LNX2: variants seen among roughly 807,000 people sequenced by gnomAD.
LNX2 encodes ligand of numb-protein X 2.
In LNX2, 35 loss-of-function variants were observed where a neutral mutation model predicts 66.2. That is an observed-to-expected ratio of 0.53 (90% CI 0.40 to 0.70). LNX2 has a LOEUF of 0.70. Among genes scored for constraint, LNX2 ranks in the 30% least tolerant of loss-of-function variants. The pLI is 0.00. For missense variants in LNX2, 791 were observed against 850.8 expected (o/e 0.93, Z 0.87); for synonymous variants, 337 against 315.6 (o/e 1.07, Z -0.72).
intron 9 of LNX2, among the ~76,000 whole-genome samples, chr13:27,550,035 A>G (rs1450603388): frequency 6.6e-6 from 1 of 152,214 alleles, no homozygotes. Flanking sequence ...ATAAGTGACA[A>G]GACAGTAAAG....
intron 1 of LNX2, among the ~76,000 whole-genome samples, chr13:27,589,441 C>T (rs1343916715): frequency 2.0e-5 from 3 of 152,106 alleles, no homozygotes; most frequent in Non-Finnish European, 4.4e-5. Flanking sequence ...TAATAAAACA[C>T]TTATTGGTAT....
intron 1 of LNX2, among the ~76,000 whole-genome samples, chr13:27,590,262 T>TCTCA (rs1192834241): frequency 2.0e-5 from 3 of 151,952 alleles, no homozygotes; most frequent in Non-Finnish European, 4.4e-5. Context: ...ATTTTTTGAG[T>TCTCA]CTCACCCTGT....
intron 1 of LNX2, among the ~76,000 whole-genome samples, chr13:27,602,820 T>G (rs1366046367): frequency 6.6e-6 from 1 of 152,214 alleles, no homozygotes; most frequent in East Asian, 1.9e-4. Context: ...TGCTCCATAT[T>G]CTTTGTCAAC....
intron 4 of LNX2, among the ~76,000 whole-genome samples, chr13:27,564,201 G>A (rs1014955361): frequency 6.6e-6 from 1 of 152,180 alleles, no homozygotes; most frequent in African/African-American, 2.4e-5. Context: ...TAACATCTTT[G>A]TGAAGCAGGC....
chr13:27,604,009 C>T (rs919530887), intron 1 of LNX2, among the ~76,000 whole-genome samples: 2 of 150,108 alleles, frequency 1.3e-5, no homozygotes, highest in East Asian at 2.0e-4. Flanking sequence ...AATCCCAGCA[C>T]GTTGGGAGGC....
intron 2 of LNX2, among the ~76,000 whole-genome samples, chr13:27,575,427 T>C (rs559827317): frequency 9.2e-5 from 14 of 152,304 alleles, no homozygotes; most frequent in Middle Eastern, 3.4e-3. Context: ...CTCCATAAAG[T>C]ATAAAGTAGA....
At chr13:27,593,531 T>C (rs1397240569) in intron 1 of LNX2, among the ~76,000 whole-genome samples, 1 of 150,894 alleles carries the variant, frequency 6.6e-6, no homozygotes, top group African/African-American at 2.4e-5. Flanking sequence ...ATCACTAACG[T>C]CTCTCTCCTT....
intron 1 of LNX2, among the ~76,000 whole-genome samples, chr13:27,618,153 C>A (rs1955847302): frequency 6.6e-6 from 1 of 152,182 alleles, no homozygotes; most frequent in South Asian, 2.1e-4. Context: ...GTCAAACAAC[C>A]CAGGATTCAT....
Position 27,546,943 on chromosome 13 carries a change from A to G in LNX2, c.*1392T>C, listed in dbSNP as rs2138299063. The G allele has an allele frequency of 6.6e-6, 1 of 152,322 alleles. No individual in the cohort carries two copies. Among genetic ancestry groups the G allele is most frequent in the East Asian group, 1.9e-4 (1 of 5,188 alleles). 9.4% of individuals were successfully genotyped at this position (152,322 alleles called of 1,614,324 possible). A position where few individuals can be genotyped will look rare whatever the true frequency, so the allele number is the denominator to read the frequency against. On this transcript the variant is annotated 3_prime_UTR_variant, in exon 10 of 10. Coordinates refer to ENST00000316334, the MANE Select transcript of LNX2 (RefSeq NM_153371.4). ...TCAAAAAATATGAAATAGTCTAGTGACTGAGAGCTGACTGAAAGATACATC... is the reference window on the plus strand; with the variant it reads ...TCAAAAAATATGAAATAGTCTAGTGGCTGAGAGCTGACTGAAAGATACATC...
rs145164476 is a variant in LNX2 at position 27,572,169 on chromosome 13, C to T, written c.408-2893G>A. Among the ~76,000 whole-genome samples the T allele has an allele frequency of 1.5e-3, 223 of 152,156 alleles. 1 individual carries two copies. The highest frequency in any genetic ancestry group is 5.0e-3 in the African/African-American group (208 of 41,510). The stretch of plus-strand genomic sequence containing the variant: ...TGTACCTAGAAACACAATCACAGAA[C>T]GTTGGGGCTAGAAGGGTATTAGCGA... On this transcript the variant is annotated intron_variant, in intron 2 of 9. Coordinates refer to ENST00000316334, the MANE Select transcript of LNX2 (RefSeq NM_153371.4).
chr13:27,583,213 T>TGCGC lies in LNX2; in HGVS notation c.-100-1411_-100-1410insGCGC, dbSNP rs1212996912. 1.8e-3 allele frequency among the ~76,000 whole-genome samples: 42 copies of TGCGC among 23,254 alleles called. 4 individuals carry two copies. Among genetic ancestry groups the TGCGC allele is most frequent in the East Asian group, 9.7e-3 (8 of 824 alleles). The allele number at this position is 23,254 out of a possible 152,430, so 15.3% of individuals were successfully genotyped here. A position where few individuals can be genotyped will look rare whatever the true frequency, so the allele number is the denominator to read the frequency against. ...GTGTGTGTGTGTGTGTGTGTGTGTGTGTGTGTGTGTGTGTGTGTGTGTGTG... is the reference window on the plus strand; with the variant it reads ...GTGTGTGTGTGTGTGTGTGTGTGTGTGCGCGTGTGTGTGTGTGTGTGTGTGTGTG... On this transcript the variant is annotated intron_variant, in intron 1 of 9. Coordinates refer to ENST00000316334, the MANE Select transcript of LNX2 (RefSeq NM_153371.4).
At chr13:27,548,569 C>A in intron 9 of LNX2, 99 bp from the exon 10 acceptor site, 1 of 1,241,096 alleles carries the variant, frequency 8.1e-7, no homozygotes, top group Non-Finnish European at 1.1e-6. Flanking sequence ...GTTTCACTTA[C>A]CACTGAACTG....
chr13:27,567,623 A>G lies in LNX2; in HGVS notation c.855+17T>C. ...GAACAAAAAGGCACAAGTTAACAGA[A>G]TAATTAAAACTGATACCTGAAGAAT... is the stretch of plus-strand genomic sequence containing the variant. On this transcript the variant is annotated intron_variant, in intron 4 of 9. Transcript: ENST00000316334. 1 of 1,609,926 alleles carries G rather than the reference A, an allele frequency of 6.2e-7. No individual in the cohort carries two copies. Among genetic ancestry groups the G allele is most frequent in the South Asian group, 1.1e-5 (1 of 90,982 alleles).
chr13:27,580,759 C>A (rs1181638445), intron 2 of LNX2, among the ~76,000 whole-genome samples: 1 of 152,108 alleles, frequency 6.6e-6, no homozygotes, highest in Non-Finnish European at 1.5e-5. Context: ...CATATTGCAA[C>A]AAAATTATCG....
chr13:27,572,399 AG>A (rs1308394774), intron 2 of LNX2, among the ~76,000 whole-genome samples: 1 of 152,218 alleles, frequency 6.6e-6, no homozygotes, highest in Admixed American at 6.5e-5. Context: ...AATTAGATTG[AG>A]GTAGGCACAT....
intron 1 of LNX2, among the ~76,000 whole-genome samples, chr13:27,611,791 CAT>C (rs1263263328): frequency 1.1e-4 from 17 of 152,228 alleles, no homozygotes; most frequent in Non-Finnish European, 2.4e-4. Context: ...ATATTGATGA[CAT>C]ATATTTTGAA....
upstream of LNX2, chr13:27,621,012 G>A (rs1955905107): frequency 6.5e-6 from 1 of 153,122 alleles, no homozygotes; most frequent in Non-Finnish European, 1.5e-5. Flanking sequence ...GAGGGGACAA[G>A]AAGGGCCGAT....
chr13:27,549,731 T>C (rs1954984193), intron 9 of LNX2, among the ~76,000 whole-genome samples: 1 of 152,256 alleles, frequency 6.6e-6, no homozygotes, highest in African/African-American at 2.4e-5. Context: ...CATTCATTCA[T>C]CAAATATTTA....
At chr13:27,578,476 A>G (rs1329568248) in intron 2 of LNX2, among the ~76,000 whole-genome samples, 1 of 152,172 alleles carries the variant, frequency 6.6e-6, no homozygotes, top group Admixed American at 6.5e-5. Context: ...GTTTTAGAAC[A>G]TGGCTGCAAA....
Sources: allele counts gnomAD v4.1 joint callset (sites outside exome capture counted in the v4.1 genomes callset), GRCh38; gene constraint gnomAD v4.1.1; transcripts MANE v1.5; gene names NCBI Gene and HGNC (gene_info 2026-07-23, HGNC 2026-07-21).